The following KNTC1 variants were observed in gnomAD, a reference collection of about 807,000 sequenced individuals.
KNTC1 encodes kinetochore-associated protein 1.
In KNTC1, 253 loss-of-function variants were observed where a neutral mutation model predicts 314.4. The ratio of observed to expected loss-of-function variants is 0.80; its 90% CI spans 0.73 to 0.89. KNTC1 has a LOEUF of 0.89. KNTC1 is among the 40% of genes least tolerant of loss of function. The probability of loss-of-function intolerance (pLI) is 0.00; values close to 1 mark genes in which losing one functional copy is unlikely to be tolerated. For missense variants in KNTC1, 2,475 were observed against 2,572.9 expected, an observed-to-expected ratio of 0.96 and a Z score of 0.82; for synonymous variants, 901 against 901.4, an observed-to-expected ratio of 1.00 and a Z score of 0.01.
intron 1 of KNTC1, among the ~76,000 whole-genome samples, chr12:122,528,882 C>T (rs191594209): frequency 6.6e-6 from 1 of 152,240 alleles, no homozygotes; most frequent in Non-Finnish European, 1.5e-5. Flanking sequence ...ACTCTTGTTG[C>T]CCAAGCTGGA....
At chr12:122,612,999 A>G in intron 53 of KNTC1, 113 bp from the exon 54 acceptor site, 1 of 685,988 alleles carries the variant, frequency 1.5e-6, no homozygotes. Context: ...AACTGTAGAG[A>G]TTGACTTTAC....
At chr12:122,541,351 T>C (rs983472095) in intron 5 of KNTC1, among the ~76,000 whole-genome samples, 5 of 135,316 alleles carry the variant, frequency 3.7e-5, no homozygotes, top group African/African-American at 1.1e-4. Flanking sequence ...CTCCCTCTCT[T>C]TTTTTTTTTT....
intron 2 of KNTC1, among the ~76,000 whole-genome samples, chr12:122,530,467 T>C (rs79140876): frequency 6.6e-6 from 1 of 151,980 alleles, no homozygotes; most frequent in Non-Finnish European, 1.5e-5. Flanking sequence ...TTTTTTTTTT[T>C]TGAGACAGAT....
chr12:122,575,466 T>C, intron 27 of KNTC1, 77 bp from the exon 28 acceptor site: 1 of 909,266 alleles, frequency 1.1e-6, no homozygotes. Flanking sequence ...TAAGACCTGC[T>C]GATTAGACTG....
chr12:122,561,856 A>T, intron 18 of KNTC1, 65 bp from the exon 19 acceptor site: 1 of 1,365,188 alleles, frequency 7.3e-7, no homozygotes, highest in Non-Finnish European at 1.0e-6. Context: ...TTCACAGAAA[A>T]TCCATCATTT....
intron 46 of KNTC1, 22 bp from the exon 47 acceptor site, chr12:122,602,807 A>G (rs1466048651): frequency 6.2e-7 from 1 of 1,611,776 alleles, no homozygotes. Context: ...AGCAAATCGT[A>G]CTTTCCTTGT....
chr12:122,616,732 T>G (rs1229373304), intron 57 of KNTC1, among the ~76,000 whole-genome samples: 2 of 152,230 alleles, frequency 1.3e-5, no homozygotes, highest in Non-Finnish European at 2.9e-5. Flanking sequence ...CTAATTGTTT[T>G]ATTGAGATAC....
Position 122,575,642 on chromosome 12 carries a change from C to G in KNTC1, c.2482C>G (p.Pro828Ala). ...LVKQHLEMDH[P>A]KVKLLQESYK... is the part of the protein sequence containing the mutation. Reference sequence around the variant, plus strand: ...GAAACAGCACCTGGAAATGGACCATCCCAAGTAAGATGACTGTCTACGAAA... The same window carrying G: ...GAAACAGCACCTGGAAATGGACCATGCCAAGTAAGATGACTGTCTACGAAA... Residue 828 changes from proline to alanine, a missense_variant, in exon 28 of 64, where the codon CCC (proline) becomes GCC (alanine). Transcript: ENST00000333479. 6.3e-7 allele frequency: 1 copy of G among 1,584,722 alleles called. No homozygotes were observed. Among genetic ancestry groups the G allele is most frequent in the Non-Finnish European group, 8.6e-7 (1 of 1,163,024 alleles).
chr12:122,594,133 G>A (rs1593638582), intron 42 of KNTC1, 143 bp from the exon 43 acceptor site: 2 of 598,944 alleles, frequency 3.3e-6, no homozygotes, highest in African/African-American at 3.7e-5. Context: ...GGCTGGGTTG[G>A]GTAGTGTGAG....
chr12:122,546,892 G>C (rs1319475625), intron 10 of KNTC1, among the ~76,000 whole-genome samples: 1 of 150,448 alleles, frequency 6.6e-6, no homozygotes, highest in Non-Finnish European at 1.5e-5. Context: ...GAGTGCAATG[G>C]TGCGATCTCG....
At chr12:122,598,206 A>T (rs1342250749) in intron 44 of KNTC1, among the ~76,000 whole-genome samples, 1 of 152,140 alleles carries the variant, frequency 6.6e-6, no homozygotes, top group African/African-American at 2.4e-5. Flanking sequence ...AAATCAAAAC[A>T]AGCAATTTCC....
At chr12:122,612,669 C>T (rs544964956) in intron 53 of KNTC1, among the ~76,000 whole-genome samples, 94 of 152,226 alleles carry the variant, frequency 6.2e-4, no homozygotes, top group Middle Eastern at 6.8e-3. Context: ...CCACCCGCCT[C>T]GGCCTCCCAA....
intron 3 of KNTC1, among the ~76,000 whole-genome samples, chr12:122,537,871 CA>C (rs1375267194): frequency 3.9e-5 from 6 of 152,128 alleles, no homozygotes; most frequent in African/African-American, 1.4e-4. Context: ...CAGTGGCTCA[CA>C]TCTGTAACCT....
chr12:122,573,161 T>G lies in KNTC1; in HGVS notation c.2159T>G (p.Val720Gly), dbSNP rs191772462. 2 of 1,613,944 alleles carry G rather than the reference T, an allele frequency of 1.2e-6. No individual in the cohort carries two copies. The highest frequency in any genetic ancestry group is 1.7e-6 in the Non-Finnish European group (2 of 1,179,870). Residue 720 changes from valine (V) to glycine (G), a missense_variant, in exon 26 of 64, where the codon GTG becomes GGG. By Grantham distance (109) the Val-to-Gly change is moderately radical. Transcript: ENST00000333479. ...DFEKENTTTI[V>G]FRMFDKVLAP... ...ATCCAGGAAAATACAACCACCATAG[T>G]GTTCCGAATGTTTGATAAAGTGCTG...
chr12:122,621,075 C>T (rs1273458028), intron 60 of KNTC1, among the ~76,000 whole-genome samples: 1 of 151,998 alleles, frequency 6.6e-6, no homozygotes, highest in African/African-American at 2.4e-5. Flanking sequence ...TGAACTTGAA[C>T]AAGACAAGAA....
At chr12:122,594,224 A>G (rs1870717001) in intron 42 of KNTC1, 52 bp from the exon 43 acceptor site, 2 of 997,484 alleles carry the variant, frequency 2.0e-6, no homozygotes, top group African/African-American at 1.6e-5. Flanking sequence ...TTACTCTGAT[A>G]CATTTCAGTG....
chr12:122,581,553 G>A (rs1868393831), intron 33 of KNTC1, among the ~76,000 whole-genome samples: 1 of 151,708 alleles, frequency 6.6e-6, no homozygotes, highest in African/African-American at 2.4e-5. Flanking sequence ...GGAGGGCTGT[G>A]GCATGATCTC....
chr12:122,590,600 C>T lies in KNTC1; in HGVS notation c.4000-7C>T. 6.2e-7 allele frequency: 1 copy of T among 1,606,950 alleles called. No individual in the cohort carries two copies. Among genetic ancestry groups the T allele is most frequent in the Non-Finnish European group, 8.5e-7 (1 of 1,176,186 alleles). ...AATTTGCTTCTTTTGCTGGTTTCTT[C>T]CTGTAGGTATTTAATTGTCGCTTGG... is the stretch of plus-strand genomic sequence containing the variant. On this transcript the variant is annotated splice_region_variant and splice_polypyrimidine_tract_variant and intron_variant, in intron 40 of 63. Transcript: ENST00000333479.
chr12:122,587,449 A>G (rs1350979973), intron 38 of KNTC1, among the ~76,000 whole-genome samples: 1 of 152,178 alleles, frequency 6.6e-6, no homozygotes, highest in Non-Finnish European at 1.5e-5. Context: ...TTGTTTATAA[A>G]TTTTTATCTT....
Sources: allele counts gnomAD v4.1 joint callset (sites outside exome capture counted in the v4.1 genomes callset), GRCh38; gene constraint gnomAD v4.1.1; transcripts MANE v1.5; gene names NCBI Gene and HGNC (gene_info 2026-07-23, HGNC 2026-07-21).